The following PON3 variants were observed in gnomAD, a reference collection of about 807,000 sequenced individuals.
PON3 encodes the protein serum paraoxonase/lactonase 3.
Under a neutral mutation model 36.3 loss-of-function variants are expected in PON3, and 37 were observed. The observed-to-expected ratio is 1.02, with a 90% CI of 0.78 to 1.34. The LOEUF (loss-of-function observed/expected upper bound fraction) is 1.34. PON3 is among the 40% of genes most tolerant of loss of function. PON3 has a pLI of 0.00. For missense variants in PON3, 415 were observed against 426.5 expected, an observed-to-expected ratio of 0.97 and a Z score of 0.24; for synonymous variants, 155 against 154.8, an observed-to-expected ratio of 1.00 and a Z score of -0.01.
chr7:95,364,389 A>C, intron 5 of PON3: 3 of 378,082 alleles, frequency 7.9e-6, no homozygotes, highest in South Asian at 7.1e-5. Flanking sequence ...AGTGCAGTTC[A>C]CTGATAGCTA....
chr7:95,382,734 C>G (rs1809090743), intron 3 of PON3, among the ~76,000 whole-genome samples: 1 of 152,094 alleles, frequency 6.6e-6, no homozygotes, highest in South Asian at 2.1e-4. Flanking sequence ...CAAAAAAAGT[C>G]CAGGATCAGA....
At chr7:95,379,748 G>A (rs1337562867) in intron 3 of PON3, among the ~76,000 whole-genome samples, 1 of 152,200 alleles carries the variant, frequency 6.6e-6, no homozygotes, top group African/African-American at 2.4e-5. Flanking sequence ...AAGGATGCCT[G>A]CCTGCCTCTG....
At chr7:95,386,748 C>T (rs1368562360) in intron 3 of PON3, among the ~76,000 whole-genome samples, 1 of 152,124 alleles carries the variant, frequency 6.6e-6, no homozygotes, top group Non-Finnish European at 1.5e-5. Flanking sequence ...AAAATACTGG[C>T]AAACCGAATC....
At chr7:95,369,198 A>G (rs1026472171) in intron 4 of PON3, among the ~76,000 whole-genome samples, 4 of 152,142 alleles carry the variant, frequency 2.6e-5, no homozygotes, top group Admixed American at 2.0e-4. Flanking sequence ...TATTCATTTG[A>G]TATGTGTTCA....
chr7:95,379,890 C>T (rs1397313685), intron 3 of PON3, among the ~76,000 whole-genome samples: 1 of 152,206 alleles, frequency 6.6e-6, no homozygotes, highest in Non-Finnish European at 1.5e-5. Flanking sequence ...GATCTGAGAA[C>T]AGAAAGACTG....
intron 2 of PON3, among the ~76,000 whole-genome samples, chr7:95,391,675 C>T (rs548803704): frequency 3.0e-4 from 46 of 152,336 alleles, no homozygotes; most frequent in Non-Finnish European, 6.2e-4. Flanking sequence ...CTATACCCTA[C>T]CTAAAATCCT....
rs568021129 is a variant in PON3, at chr7:95,391,783, T to C, written c.146-1574A>G. Among the ~76,000 whole-genome samples, 9 of 152,358 alleles carry C rather than the reference T, an allele frequency of 5.9e-5. No homozygotes were observed. The South Asian group carries it at 1.7e-3, about 28-fold the overall frequency. On this transcript the variant is annotated intron_variant, in intron 2 of 8. Transcript: ENST00000265627. ...ATTATCTTAATTTAAATATCTAGAC[T>C]GCCTTGTTTTGATTAACCTGTATCT...
intron 2 of PON3, among the ~76,000 whole-genome samples, chr7:95,392,780 A>G (rs191433057): frequency 5.9e-5 from 9 of 152,322 alleles, no homozygotes; most frequent in African/African-American, 2.2e-4. Flanking sequence ...AATTTAGACA[A>G]TTCTGCTACT....
chr7:95,371,608 C>G lies in PON3; in HGVS notation c.367+565G>C, dbSNP rs184440908. 9.9e-4 allele frequency among the ~76,000 whole-genome samples: 150 copies of G among 152,216 alleles called. 1 individual carries two copies. The highest frequency in any genetic ancestry group is 5.8e-4 in the East Asian group (3 of 5,184). On this transcript the variant is annotated intron_variant, in intron 4 of 8. Transcript: ENST00000265627. ...TGTGTATCTTAGGAGAAATGTCTAT[C>G]TAGGTAGATACTTTGTCCATTTTTA...
chr7:95,362,916 G>T, intron 6 of PON3, 75 bp from the exon 7 acceptor site: 1 of 1,072,166 alleles, frequency 9.3e-7, no homozygotes, highest in East Asian at 2.4e-5. Context: ...TGGAGAAGAG[G>T]TATAAAAATG....
At position 95,372,286 on chromosome 7, in the gene PON3, A is replaced by C. The variant is rs751940900; in HGVS notation, c.254T>G (p.Ile85Ser). 1 of 1,613,914 alleles carries C rather than the reference A, an allele frequency of 6.2e-7. No individual in the cohort carries two copies. The highest frequency in any genetic ancestry group is 1.1e-5 in the South Asian group (1 of 91,070). Residue 85 changes from isoleucine to serine, a missense_variant, in exon 4 of 9, where the codon ATC (isoleucine) becomes AGC (serine). Coordinates refer to ENST00000265627, the MANE Select transcript of PON3 (RefSeq NM_000940.3). Reference sequence around the variant, plus strand: ...TTGTTCATTCAGATCCATCAAGAAGATTTTTCCTGGTTCATCTGGCGCAAA... The same window carrying C: ...TTGTTCATTCAGATCCATCAAGAAGCTTTTTCCTGGTTCATCTGGCGCAAA... ...PNFAPDEPGK[I>S]FLMDLNEQNP...
At chr7:95,390,033 T>A (rs1019702097) in intron 3 of PON3, 121 bp downstream of exon 3, 8 of 1,072,074 alleles carry the variant, frequency 7.5e-6, no homozygotes, top group Non-Finnish European at 1.2e-5. Context: ...TTTAGTTGAC[T>A]GGTTTACCCG....
At chr7:95,360,745 T>C (rs1485184463) in intron 8 of PON3, among the ~76,000 whole-genome samples, 2 of 152,136 alleles carry the variant, frequency 1.3e-5, no homozygotes, top group African/African-American at 2.4e-5. Context: ...TGAAGTTCAC[T>C]CAAACAAAAT....
intron 4 of PON3, among the ~76,000 whole-genome samples, chr7:95,368,348 C>G (rs928149193): frequency 3.3e-5 from 5 of 152,150 alleles, no homozygotes; most frequent in African/African-American, 1.2e-4. Context: ...AATTCATAAC[C>G]AGGACCTCTG....
At chr7:95,394,523 C>T in intron 2 of PON3, 121 bp downstream of exon 2, 2 of 818,326 alleles carry the variant, frequency 2.4e-6, no homozygotes, top group East Asian at 2.6e-5. Context: ...GTGGACGGGG[C>T]AGATGTCCCA....
intron 5 of PON3, among the ~76,000 whole-genome samples, chr7:95,367,083 G>A (rs959355768): frequency 6.6e-6 from 1 of 152,068 alleles, no homozygotes; most frequent in African/African-American, 2.4e-5. Flanking sequence ...GAGTTGCCGT[G>A]GTAAAGAGAA....
At chr7:95,394,782 C>T (rs1809393323) in intron 1 of PON3, 68 bp from the exon 2 acceptor site, 1 of 1,196,244 alleles carries the variant, frequency 8.4e-7, no homozygotes, top group Non-Finnish European at 1.2e-6. Context: ...TAAATGTGGA[C>T]TTCAATCATC....
At chr7:95,379,032 G>T (rs1455693934) in intron 3 of PON3, among the ~76,000 whole-genome samples, 1 of 151,176 alleles carries the variant, frequency 6.6e-6, no homozygotes, top group Non-Finnish European at 1.5e-5. Flanking sequence ...ACACACATAG[G>T]CTCAAAATAA....
chr7:95,370,775 TAA>T lies in PON3; in HGVS notation c.367+1396_367+1397del, dbSNP rs548662318. 8.1e-4 allele frequency among the ~76,000 whole-genome samples: 124 copies of T among 152,360 alleles called. 1 individual carries two copies. Among genetic ancestry groups the T allele is most frequent in the African/African-American group, 2.8e-3 (117 of 41,584 alleles). The stretch of plus-strand genomic sequence containing the variant: ...TTTTAAAGCATATATGGTATATTGA[TAA>T]CTTATGTTTTTATAATATATTTTTG... On this transcript the variant is annotated intron_variant, in intron 4 of 8. Coordinates refer to ENST00000265627, the MANE Select transcript of PON3 (RefSeq NM_000940.3).
Sources: allele counts gnomAD v4.1 joint callset (sites outside exome capture counted in the v4.1 genomes callset), GRCh38; gene constraint gnomAD v4.1.1; transcripts MANE v1.5; gene names NCBI Gene and HGNC (gene_info 2026-07-23, HGNC 2026-07-21).